EXOC6B: variants seen among roughly 807,000 people sequenced by gnomAD.
EXOC6B encodes exocyst complex component 6B.
EXOC6B carries 54 observed loss-of-function variants against 113.5 expected under a neutral mutation model. The ratio of observed to expected loss-of-function variants is 0.48; its 90% CI spans 0.38 to 0.60. The LOEUF (loss-of-function observed/expected upper bound fraction) is 0.60, where lower values mean the gene tolerates loss of function less well. EXOC6B is among the 20% of genes least tolerant of loss of function. The pLI, the probability that EXOC6B is intolerant of heterozygous loss-of-function variation, is 0.00. For missense variants in EXOC6B, 797 were observed against 977.5 expected, an observed-to-expected ratio of 0.82 and a Z score of 2.46; for synonymous variants, 357 against 339.0, an observed-to-expected ratio of 1.05 and a Z score of -0.58.
At chr2:72,311,558 G>A (rs907802251) in intron 20 of EXOC6B, among the ~76,000 whole-genome samples, 2 of 151,776 alleles carry the variant, frequency 1.3e-5, no homozygotes, top group African/African-American at 4.8e-5. Context: ...GGAGTTACGG[G>A]ATTAGATTGG....
At position 72,724,603 on chromosome 2, in the gene EXOC6B, CA is replaced by C. The variant is rs535944162; in HGVS notation, c.465-6297del. On this transcript the variant is annotated intron_variant, in intron 5 of 21. Transcript: ENST00000272427. ...AGAACTGACCTACAACCAGGAAAAA[CA>C]AAATCAATCTGCAGAAAGATCTAAA... Among the ~76,000 whole-genome samples, 443 of 151,984 alleles carry C rather than the reference CA, an allele frequency of 2.9e-3. 4 individuals are homozygous for C. Among genetic ancestry groups the C allele is most frequent in the Non-Finnish European group, 1.8e-3 (120 of 67,948 alleles).
At chr2:72,207,713 G>A (rs1338133010) in intron 20 of EXOC6B, among the ~76,000 whole-genome samples, 2 of 152,138 alleles carry the variant, frequency 1.3e-5, no homozygotes, top group Admixed American at 1.3e-4. Flanking sequence ...AGTATTAGAT[G>A]TTTTGATGTA....
At chr2:72,522,399 A>G (rs1270578311) in intron 8 of EXOC6B, among the ~76,000 whole-genome samples, 2 of 152,166 alleles carry the variant, frequency 1.3e-5, no homozygotes, top group Non-Finnish European at 2.9e-5. Context: ...CACACTTCTC[A>G]GGCAACATTG....
intron 19 of EXOC6B, among the ~76,000 whole-genome samples, chr2:72,341,302 A>C (rs1689020492): frequency 2.0e-5 from 3 of 152,166 alleles, no homozygotes. Context: ...TTCTTACCAC[A>C]ATTTTAAAAA....
intron 6 of EXOC6B, among the ~76,000 whole-genome samples, chr2:72,643,861 G>A (rs1319754021): frequency 6.6e-6 from 1 of 150,872 alleles, no homozygotes; most frequent in Non-Finnish European, 1.5e-5. Flanking sequence ...CAGAAAAGCT[G>A]AAAATTCAAA....
At chr2:72,573,474 AG>A (rs1295819648) in intron 7 of EXOC6B, among the ~76,000 whole-genome samples, 7 of 152,222 alleles carry the variant, frequency 4.6e-5, no homozygotes, top group African/African-American at 1.7e-4. Flanking sequence ...CAGTCATTCC[AG>A]GCAAGAAGGG....
intron 8 of EXOC6B, among the ~76,000 whole-genome samples, chr2:72,526,815 T>G (rs1320164630): frequency 6.6e-6 from 1 of 151,984 alleles, no homozygotes; most frequent in Non-Finnish European, 1.5e-5. Flanking sequence ...TGAATAAAAT[T>G]TGCTTCATCA....
At chr2:72,342,419 G>A (rs1412121596) in intron 19 of EXOC6B, among the ~76,000 whole-genome samples, 6 of 152,044 alleles carry the variant, frequency 3.9e-5, no homozygotes, top group Admixed American at 6.6e-5. Context: ...AATGACTATT[G>A]GGTATATGAA....
intron 1 of EXOC6B, among the ~76,000 whole-genome samples, chr2:72,807,642 A>G (rs753195405): frequency 5.3e-5 from 8 of 152,178 alleles, no homozygotes; most frequent in Non-Finnish European, 1.2e-4. Context: ...GTACTTATAT[A>G]CAATGGAGTA....
At position 72,766,402 on chromosome 2, in the gene EXOC6B, C is replaced by T. The variant is rs372987356; in HGVS notation, c.114-24933G>A. Reference sequence around the variant, plus strand: ...TACCAAGTGTGCCAAGAGAAGATCACATGACTAAAAATCACATGACTAAAA... The same window carrying T: ...TACCAAGTGTGCCAAGAGAAGATCATATGACTAAAAATCACATGACTAAAA... On this transcript the variant is annotated intron_variant, in intron 1 of 21. Coordinates refer to ENST00000272427, the MANE Select transcript of EXOC6B (RefSeq NM_015189.3). Among the ~76,000 whole-genome samples, 249 of 152,110 alleles carry T rather than the reference C, an allele frequency of 1.6e-3. 1 individual carries two copies. Among genetic ancestry groups the T allele is most frequent in the South Asian group, 2.7e-3 (13 of 4,814 alleles).
chr2:72,496,440 A>T lies in EXOC6B; in HGVS notation c.1443+14T>A, dbSNP rs746989343. 2.7e-5 allele frequency: 41 copies of T among 1,498,106 alleles called. No homozygotes were observed. The highest frequency in any genetic ancestry group is 3.1e-5 in the Non-Finnish European group (34 of 1,088,342). 92.8% of individuals were successfully genotyped at this position (1,498,106 alleles called of 1,614,324 possible). ...CAAAACAACCAGAGAAATTTATTTT[A>T]AAGTATTCCTTACCTTTTCCAGTTC... On this transcript the variant is annotated intron_variant, in intron 14 of 21. Transcript: ENST00000272427.
intron 6 of EXOC6B, among the ~76,000 whole-genome samples, chr2:72,603,496 C>T (rs1370071941): frequency 6.6e-6 from 1 of 152,098 alleles, no homozygotes; most frequent in Non-Finnish European, 1.5e-5. Context: ...TGCACATCAG[C>T]TTGTGATTCA....
At chr2:72,309,444 C>G (rs769933762) in intron 20 of EXOC6B, among the ~76,000 whole-genome samples, 1 of 152,080 alleles carries the variant, frequency 6.6e-6, no homozygotes, top group Non-Finnish European at 1.5e-5. Context: ...TAAATAAAAA[C>G]AAGAAGACAC....
intron 18 of EXOC6B, among the ~76,000 whole-genome samples, chr2:72,456,448 C>T (rs1479807729): frequency 6.6e-6 from 1 of 152,098 alleles, no homozygotes; most frequent in African/African-American, 2.4e-5. Flanking sequence ...CTATTTCATG[C>T]AAGCTGCTGC....
chr2:72,727,552 C>T (rs958092703), intron 5 of EXOC6B, among the ~76,000 whole-genome samples: 6 of 152,082 alleles, frequency 3.9e-5, no homozygotes, highest in Non-Finnish European at 7.4e-5. Flanking sequence ...TTGGGTATGC[C>T]GATTAAGTGC....
Position 72,647,161 on chromosome 2 carries a change from C to T in EXOC6B, c.669+70942G>A, listed in dbSNP as rs138353154. 1.4e-3 allele frequency among the ~76,000 whole-genome samples: 206 copies of T among 152,136 alleles called. 4 individuals carry two copies. In the East Asian group the frequency reaches 0.016, roughly 12 times the overall value. ...CAATAACAGAGAGCCAAATCATGAG[C>T]GAACTCCCATTCACAATTCCTAAAA... On this transcript the variant is annotated intron_variant, in intron 6 of 21. Transcript: ENST00000272427.
At chr2:72,822,594 A>G (rs1020634937) in intron 1 of EXOC6B, among the ~76,000 whole-genome samples, 1 of 152,210 alleles carries the variant, frequency 6.6e-6, no homozygotes, top group African/African-American at 2.4e-5. Flanking sequence ...AAAGCAAGTA[A>G]TGATACACAA....
chr2:72,498,042 C>T (rs763397394), intron 13 of EXOC6B, among the ~76,000 whole-genome samples: 6 of 152,048 alleles, frequency 3.9e-5, no homozygotes, highest in Admixed American at 6.5e-5. Flanking sequence ...ACAGATTTTC[C>T]GAAAGCCTAA....
intron 18 of EXOC6B, among the ~76,000 whole-genome samples, chr2:72,430,465 G>A (rs1695459405): frequency 6.6e-6 from 1 of 152,266 alleles, no homozygotes; most frequent in East Asian, 1.9e-4. Context: ...GTGAAACCCT[G>A]TCTTACTAAA....
Sources: allele counts gnomAD v4.1 joint callset (sites outside exome capture counted in the v4.1 genomes callset), GRCh38; gene constraint gnomAD v4.1.1; transcripts MANE v1.5; gene names NCBI Gene and HGNC (gene_info 2026-07-23, HGNC 2026-07-21).